ELFN2: variants seen among roughly 807,000 people sequenced by gnomAD.
ELFN2 encodes the protein extracellular leucine rich repeat and fibronectin type III domain containing 2, also known as protein phosphatase 1 regulatory subunit 29.
ELFN2 carries 17 observed loss-of-function variants against 45.5 expected under a neutral mutation model. The observed-to-expected ratio is 0.37, with a 90% CI of 0.26 to 0.56. ELFN2 has a LOEUF of 0.56. Ranked by LOEUF, ELFN2 falls within the 20% of genes least tolerant of loss-of-function variation. ELFN2 has a pLI of 0.77. For synonymous variants in ELFN2, 550 were observed against 551.5 expected (o/e 1.00, Z 0.04); for missense variants, 922 against 1,183.2 (o/e 0.78, Z 3.24).
chr22:37,356,478 C>T (rs1335849591), intron 1 of ELFN2, among the ~76,000 whole-genome samples: 1 of 152,100 alleles, frequency 6.6e-6, no homozygotes, highest in Non-Finnish European at 1.5e-5. Context: ...AGAGGGGGCA[C>T]CTTGGGGGGA....
chr22:37,354,527 G>A (rs1206384083), intron 1 of ELFN2: 1 of 144,920 alleles, frequency 6.9e-6, no homozygotes, highest in African/African-American at 2.6e-5. Context: ...AGTTGGGTGT[G>A]TAAAAAGAAA....
intron 1 of ELFN2, among the ~76,000 whole-genome samples, chr22:37,344,519 C>T (rs879624762): frequency 3.3e-5 from 5 of 152,054 alleles, no homozygotes; most frequent in Admixed American, 3.3e-4. Context: ...TGCCCCCACA[C>T]AGGTGGCCTT....
intron 2 of ELFN2, among the ~76,000 whole-genome samples, chr22:37,395,383 C>T (rs1461334406): frequency 3.3e-5 from 5 of 152,144 alleles, no homozygotes; most frequent in African/African-American, 7.2e-5. Flanking sequence ...AACCCCTCCA[C>T]GGCCCTGGGA....
At position 37,392,410 on chromosome 22, in the gene ELFN2, C is replaced by A. The variant is rs376456374; in HGVS notation, c.-462-16414G>T. ...TGGGCTCGCTGCAACCTCCGCCTCC[C>A]AGATTCAAGCAATTCTCCTGCCTCA... On this transcript the variant is annotated intron_variant, in intron 2 of 2. Transcript: ENST00000402918. 3.9e-5 allele frequency among the ~76,000 whole-genome samples: 6 copies of A among 151,946 alleles called. 1 individual carries two copies. The East Asian group carries it at 9.7e-4, about 24-fold the overall frequency.
chr22:37,363,553 G>A (rs1337328293), downstream of ELFN2, among the ~76,000 whole-genome samples: 1 of 152,096 alleles, frequency 6.6e-6, no homozygotes, highest in Non-Finnish European at 1.5e-5. Flanking sequence ...AGAGAGAGGG[G>A]GATTTGGGGT....
Position 37,372,056 on chromosome 22 carries a change from C to A in ELFN2, c.*1016G>T, listed in dbSNP as rs878960873. ...CAGCCCTCCAGGCATCACAGTGCAC[C>A]GCTGCCCTTCTGCGGTGGGCAGGGG... On this transcript the variant is annotated 3_prime_UTR_variant, in exon 3 of 3. Coordinates refer to ENST00000402918, the MANE Select transcript of ELFN2 (RefSeq NM_052906.5). This position sits in a 1 kb window ranked among gnomAD's most constrained non-coding sequence, Gnocchi z 4.4. The A allele has an allele frequency of 6.6e-6, 1 of 152,454 alleles. No homozygotes were observed. Among genetic ancestry groups the A allele is most frequent in the African/African-American group, 2.4e-5 (1 of 41,416 alleles). The allele number at this position is 152,454 out of a possible 1,614,324, so 9.4% of individuals were successfully genotyped here. A position where few individuals can be genotyped will look rare whatever the true frequency, so the allele number is the denominator to read the frequency against.
intron 2 of ELFN2, among the ~76,000 whole-genome samples, chr22:37,383,919 A>T (rs1428621486): frequency 6.6e-6 from 1 of 151,998 alleles, no homozygotes; most frequent in African/African-American, 2.4e-5. Flanking sequence ...CCGCAGTGTG[A>T]CCTCGGGCAA....
rs764260077 is a variant in ELFN2 at position 37,393,577 on chromosome 22, G to C, written c.-462-17581C>G. ...CAGCACCCAGCACTTCCTGAGCCTG[G>C]ACCACGCCCCAGGCCTTGCGCTAAG... On this transcript the variant is annotated intron_variant, in intron 2 of 2. Coordinates refer to ENST00000402918, the MANE Select transcript of ELFN2 (RefSeq NM_052906.5). Among the ~76,000 whole-genome samples, 23 of 152,310 alleles carry C rather than the reference G, an allele frequency of 1.5e-4. 1 individual carries two copies. The highest frequency in any genetic ancestry group is 1.0e-3 in the South Asian group (5 of 4,832).
At chr22:37,387,566 C>T (rs757534975) in intron 2 of ELFN2, among the ~76,000 whole-genome samples, 33 of 152,156 alleles carry the variant, frequency 2.2e-4, no homozygotes, top group Non-Finnish European at 4.0e-4. Flanking sequence ...CTGGGCACCT[C>T]GTCCGCGCTG....
intron 1 of ELFN2, among the ~76,000 whole-genome samples, chr22:37,361,337 C>T (rs1395835769): frequency 2.6e-5 from 4 of 151,936 alleles, no homozygotes; most frequent in Non-Finnish European, 5.9e-5. Context: ...CCCCCTCCTC[C>T]CTACCCCCTT....
rs902097799 is a variant in ELFN2, at chr22:37,417,085, C to A, written c.-463+684G>T. Among the ~76,000 whole-genome samples, 2 of 152,148 alleles carry A rather than the reference C, an allele frequency of 1.3e-5. No individual in the cohort carries two copies. Among genetic ancestry groups the A allele is most frequent in the South Asian group, 2.1e-4 (1 of 4,806 alleles). On this transcript the variant is annotated intron_variant, in intron 2 of 2. Coordinates refer to ENST00000402918, the MANE Select transcript of ELFN2 (RefSeq NM_052906.5). The surrounding 1 kb of genome is among the most constrained non-coding windows in gnomAD (Gnocchi z 4.5). Reference sequence around the variant, plus strand: ...GCCGCCTGGACAACAGCTCCCTCCACGTGGCCGCCACCAACACAGCCTCGG... The same window carrying A: ...GCCGCCTGGACAACAGCTCCCTCCAAGTGGCCGCCACCAACACAGCCTCGG...
Position 37,403,021 on chromosome 22 carries a change from T to C in ELFN2, c.-463+14748A>G, listed in dbSNP as rs146246940. ...AGACCATGCCTCACTTGCCCACAACTGCCCCCTCCTGCTGGCATCGAGCAG... is the reference window on the plus strand; with the variant it reads ...AGACCATGCCTCACTTGCCCACAACCGCCCCCTCCTGCTGGCATCGAGCAG... On this transcript the variant is annotated intron_variant, in intron 2 of 2. Transcript: ENST00000402918. 4.6e-3 allele frequency among the ~76,000 whole-genome samples: 693 copies of C among 152,036 alleles called. 2 individuals are homozygous for C. The highest frequency in any genetic ancestry group is 0.015 in the African/African-American group (610 of 41,490).
At chr22:37,407,593 T>G (rs1932536687) in intron 2 of ELFN2, among the ~76,000 whole-genome samples, 1 of 152,146 alleles carries the variant, frequency 6.6e-6, no homozygotes, top group African/African-American at 2.4e-5. Context: ...TGGCAGCATT[T>G]TTTAGAAAAC....
chr22:37,404,602 C>T (rs9610739), intron 2 of ELFN2, among the ~76,000 whole-genome samples: 27,516 of 151,960 alleles, frequency 0.18, 3,610 homozygotes, highest in African/African-American at 0.37. Context: ...GGTGGCCACA[C>T]GCAATGTCCT....
At chr22:37,353,903 TTCC>T (rs1930883902) in intron 1 of ELFN2, 2 of 138,654 alleles carry the variant, frequency 1.4e-5, no homozygotes, top group Non-Finnish European at 1.7e-5. Flanking sequence ...GAGCGATTCA[TTCC>T]TAGGTTTACA....
chr22:37,352,651 G>A (rs527670176), intron 1 of ELFN2, among the ~76,000 whole-genome samples: 19 of 150,710 alleles, frequency 1.3e-4, no homozygotes, highest in East Asian at 5.8e-4. Context: ...TGGAGGCGGC[G>A]GTAAGTGCAA....
At chr22:37,354,309 T>C (rs2899289) in intron 1 of ELFN2, 98,196 of 152,026 alleles carry the variant, frequency 0.65, 32,199 homozygotes, top group Middle Eastern at 0.81. Context: ...GCCATGGGTG[T>C]GTTCACTTTG....
intron 2 of ELFN2, among the ~76,000 whole-genome samples, chr22:37,384,692 C>G (rs61433415): frequency 4.6e-3 from 6 of 1,292 alleles, no homozygotes; most frequent in African/African-American, 3.8e-3. Flanking sequence ...CCAACCCCTG[C>G]CCTCTCCCCA....
intron 2 of ELFN2, among the ~76,000 whole-genome samples, chr22:37,396,011 G>A (rs1041645850): frequency 2.0e-5 from 3 of 152,164 alleles, no homozygotes; most frequent in African/African-American, 4.8e-5. Context: ...CTGAGGACCC[G>A]CTACCACCGG....
Sources: allele counts gnomAD v4.1 joint callset (sites outside exome capture counted in the v4.1 genomes callset), GRCh38; gene constraint gnomAD v4.1.1; non-coding constraint Gnocchi (gnomAD v3.1); transcripts MANE v1.5; gene names NCBI Gene and HGNC (gene_info 2026-07-23, HGNC 2026-07-21).